Variants in TRMT9B observed in about 807,000 individuals in gnomAD.
TRMT9B encodes probable tRNA methyltransferase 9B.
In TRMT9B, 16 loss-of-function variants were observed where a neutral mutation model predicts 11.5. The observed-to-expected ratio is 1.39, with a 90% CI of 0.94 to 2.11. The LOEUF is 2.11. TRMT9B is among the 30% of genes most tolerant of loss of function. The pLI is 0.00. For missense variants in TRMT9B, 941 were observed against 553.8 expected, an observed-to-expected ratio of 1.70 and a Z score of -7.02; for synonymous variants, 274 against 192.4, an observed-to-expected ratio of 1.42 and a Z score of -3.51.
intron 2 of TRMT9B, among the ~76,000 whole-genome samples, chr8:12,993,840 T>A (rs1168604025): frequency 1.3e-5 from 2 of 152,224 alleles, no homozygotes; most frequent in East Asian, 1.9e-4. Flanking sequence ...GTCCTTTGGC[T>A]ATACATGTCA....
intron 4 of TRMT9B, among the ~76,000 whole-genome samples, chr8:13,019,355 G>C (rs780718330): frequency 2.0e-5 from 3 of 152,182 alleles, no homozygotes; most frequent in Non-Finnish European, 4.4e-5. Context: ...GCAGTGGCAT[G>C]ATCATGGCCC....
chr8:12,950,738 G>T (rs1800540034), intron 1 of TRMT9B, among the ~76,000 whole-genome samples: 1 of 152,050 alleles, frequency 6.6e-6, no homozygotes, highest in Non-Finnish European at 1.5e-5. Flanking sequence ...AGCCCTCTTA[G>T]TAGCACCTGA....
intron 4 of TRMT9B, among the ~76,000 whole-genome samples, chr8:13,020,045 A>G (rs1813524051): frequency 6.6e-6 from 1 of 152,188 alleles, no homozygotes; most frequent in Non-Finnish European, 1.5e-5. Context: ...TTTGATATTT[A>G]ATATGCCTCT....
chr8:12,985,035 C>T (rs1245154495), intron 1 of TRMT9B, among the ~76,000 whole-genome samples: 1 of 151,892 alleles, frequency 6.6e-6, no homozygotes, highest in Non-Finnish European at 1.5e-5. Flanking sequence ...TTCATTTCCC[C>T]TATTTCGTTT....
At chr8:12,961,163 C>T (rs915887305) in intron 1 of TRMT9B, among the ~76,000 whole-genome samples, 9 of 151,792 alleles carry the variant, frequency 5.9e-5, no homozygotes, top group Admixed American at 3.3e-4. Flanking sequence ...AAACAAAAAA[C>T]TATTCTGTGT....
At chr8:12,980,363 A>G (rs749948042) in intron 1 of TRMT9B, among the ~76,000 whole-genome samples, 13 of 152,124 alleles carry the variant, frequency 8.5e-5, no homozygotes, top group Non-Finnish European at 1.5e-4. Flanking sequence ...ATAACCCAGG[A>G]TGATCTCGCC....
chr8:13,021,946 C>T lies in TRMT9B; in HGVS notation c.1267C>T (p.Leu423=). Reference sequence around the variant, plus strand: ...GTTTCGAGAAGGGGAGCTCTGCAGTCTGCTCAAGGAGAATGTGTCAGAGCT... The same window carrying T: ...GTTTCGAGAAGGGGAGCTCTGCAGTTTGCTCAAGGAGAATGTGTCAGAGCT... ...HVFREGELCS[L]LKENVSELRI... is the part of the protein sequence containing the mutation. The change falls in exon 5 of 5, where the codon CTG becomes TTG. Residue 423 remains leucine, a synonymous_variant. Coordinates refer to ENST00000524591, the MANE Select transcript of TRMT9B (RefSeq NM_020844.3). 6.2e-7 allele frequency: 1 copy of T among 1,613,702 alleles called. No individual in the cohort carries two copies. The highest frequency in any genetic ancestry group is 1.1e-5 in the South Asian group (1 of 91,046).
chr8:13,009,494 C>G (rs1461104726), intron 3 of TRMT9B, among the ~76,000 whole-genome samples: 1 of 152,162 alleles, frequency 6.6e-6, no homozygotes, highest in Non-Finnish European at 1.5e-5. Context: ...CTTCTCCCAT[C>G]CCAGTCCCTG....
chr8:12,970,778 C>T (rs891891277), intron 1 of TRMT9B, among the ~76,000 whole-genome samples: 1 of 152,142 alleles, frequency 6.6e-6, no homozygotes, highest in African/African-American at 2.4e-5. Flanking sequence ...GGCTTCCTGT[C>T]ACTCACTTCA....
At chr8:12,963,901 G>A (rs1280745592) in intron 1 of TRMT9B, among the ~76,000 whole-genome samples, 1 of 152,190 alleles carries the variant, frequency 6.6e-6, no homozygotes. Context: ...CAGCCCATAT[G>A]GGTTCTAGTC....
chr8:13,000,824 G>T (rs1283658268), intron 2 of TRMT9B, among the ~76,000 whole-genome samples: 1 of 152,190 alleles, frequency 6.6e-6, no homozygotes, highest in Admixed American at 6.5e-5. Context: ...TGGGAAAGGT[G>T]TGGTTGTAAG....
intron 1 of TRMT9B, among the ~76,000 whole-genome samples, chr8:12,982,550 T>A (rs1266452367): frequency 2.0e-5 from 3 of 151,890 alleles, no homozygotes; most frequent in Admixed American, 6.6e-5. Flanking sequence ...TAATCGCAGC[T>A]ACTCGGGAGG....
At chr8:12,951,919 T>G (rs899274643) in intron 1 of TRMT9B, 10 of 152,174 alleles carry the variant, frequency 6.6e-5, no homozygotes, top group Non-Finnish European at 1.3e-4. Flanking sequence ...GGCGCCTCGC[T>G]GCAACTTCTC....
intron 1 of TRMT9B, among the ~76,000 whole-genome samples, chr8:12,977,405 A>T (rs1473904985): frequency 1.3e-5 from 2 of 152,120 alleles, no homozygotes; most frequent in Non-Finnish European, 2.9e-5. Context: ...TATTTTCTTG[A>T]GTTAAAAATA....
At chr8:13,011,514 A>G (rs1212852516) in intron 3 of TRMT9B, 4 of 964,930 alleles carry the variant, frequency 4.1e-6, no homozygotes, top group South Asian at 9.6e-5. Context: ...ATAGGCTCTA[A>G]TGATTTCTTT....
chr8:12,980,038 T>C (rs532800226), intron 1 of TRMT9B, among the ~76,000 whole-genome samples: 10 of 152,278 alleles, frequency 6.6e-5, no homozygotes, highest in Non-Finnish European at 5.9e-5. Context: ...TCATGGTTGA[T>C]TGAATCTAGG....
chr8:12,955,273 C>A (rs775841948), intron 1 of TRMT9B, among the ~76,000 whole-genome samples: 1 of 152,078 alleles, frequency 6.6e-6, no homozygotes, highest in Non-Finnish European at 1.5e-5. Context: ...CCTAGACAGG[C>A]CTTTGACTCA....
In TRMT9B at chr8:13,027,779, T is replaced by A. The variant is rs1463734046; in HGVS notation, c.*5735T>A. On this transcript the variant is annotated 3_prime_UTR_variant, in exon 5 of 5. Coordinates refer to ENST00000524591, the MANE Select transcript of TRMT9B (RefSeq NM_020844.3). ...CGTTATTATACACCCGTCCAGCAGA[T>A]GGGAAAACCACGGAAGTGGGAGGGA... The A allele has an allele frequency of 6.2e-6, 1 of 160,278 alleles. No individual in the cohort carries two copies. Among genetic ancestry groups the A allele is most frequent in the East Asian group, 2.1e-4 (1 of 4,734 alleles). 9.9% of individuals were successfully genotyped at this position (160,278 alleles called of 1,614,324 possible).
Position 13,028,199 on chromosome 8 carries a change from A to G in TRMT9B, c.*6155A>G, listed in dbSNP as rs1318012374. 1.2e-5 allele frequency: 2 copies of G among 167,056 alleles called. No homozygotes were observed. The highest frequency in any genetic ancestry group is 6.5e-5 in the Admixed American group (1 of 15,280). The allele number at this position is 167,056 out of a possible 1,614,324, so 10.3% of individuals were successfully genotyped here. A position where few individuals can be genotyped will look rare whatever the true frequency, so the allele number is the denominator to read the frequency against. On this transcript the variant is annotated 3_prime_UTR_variant, in exon 5 of 5. Transcript: ENST00000524591. Reference sequence around the variant, plus strand: ...TTGTGGTGCGGGTCTTCCCCAGTTGATTATACACAGATAATCAATGACTTT... The same window carrying G: ...TTGTGGTGCGGGTCTTCCCCAGTTGGTTATACACAGATAATCAATGACTTT...
Sources: gnomAD v4.1 joint callset for allele counts (sites outside exome capture counted in the v4.1 genomes callset) on GRCh38, gnomAD v4.1.1 for gene constraint, MANE v1.5 for transcripts, NCBI Gene and HGNC (gene_info 2026-07-23, HGNC 2026-07-21) for gene names.